Variants in EPB41L4A observed in about 807,000 individuals in gnomAD.
The protein encoded by EPB41L4A is band 4.1-like protein 4A.
Under a neutral mutation model 108.6 loss-of-function variants are expected in EPB41L4A, and 100 were observed. That is an observed-to-expected ratio of 0.92 (90% confidence interval 0.78 to 1.09). The LOEUF is 1.09. Ranked by LOEUF, EPB41L4A falls within the 50% of genes least tolerant of loss-of-function variation. The probability of loss-of-function intolerance (pLI) is 0.00; values close to 1 mark genes in which losing one functional copy is unlikely to be tolerated. For missense variants in EPB41L4A, 1,030 were observed against 842.7 expected, an observed-to-expected ratio of 1.22 and a Z score of -2.75; for synonymous variants, 319 against 289.0, an observed-to-expected ratio of 1.10 and a Z score of -1.05.
At chr5:112,412,602 T>C (rs534349144) in intron 1 of EPB41L4A, among the ~76,000 whole-genome samples, 3 of 152,310 alleles carry the variant, frequency 2.0e-5, no homozygotes, top group South Asian at 2.1e-4. Flanking sequence ...GCCCAGGACA[T>C]GTGATAACAG....
At chr5:112,286,858 C>A (rs1753314953) in intron 2 of EPB41L4A, among the ~76,000 whole-genome samples, 2 of 147,138 alleles carry the variant, frequency 1.4e-5, no homozygotes, top group Admixed American at 6.9e-5. Flanking sequence ...AAATAAATCT[C>A]TGGATGAGAA....
At chr5:112,199,819 G>C (rs12518022) in intron 15 of EPB41L4A, among the ~76,000 whole-genome samples, 1 of 152,028 alleles carries the variant, frequency 6.6e-6, no homozygotes, top group African/African-American at 2.4e-5. Context: ...CCTCTCACTG[G>C]CTACTGAAAC....
At chr5:112,408,197 G>A (rs1762190898) in intron 1 of EPB41L4A, among the ~76,000 whole-genome samples, 1 of 152,094 alleles carries the variant, frequency 6.6e-6, no homozygotes, top group Admixed American at 6.5e-5. Flanking sequence ...TGCGACATGT[G>A]CAAATGAAGA....
intron 1 of EPB41L4A, among the ~76,000 whole-genome samples, chr5:112,388,841 T>C (rs6892341): frequency 0.011 from 1,709 of 152,272 alleles, 34 homozygotes; most frequent in African/African-American, 0.037. Flanking sequence ...ATAACTGGTC[T>C]CTGAGCCAGC....
intron 2 of EPB41L4A, among the ~76,000 whole-genome samples, chr5:112,295,639 G>A (rs1329660276): frequency 6.6e-6 from 1 of 152,160 alleles, no homozygotes; most frequent in Non-Finnish European, 1.5e-5. Flanking sequence ...AAATACTGAT[G>A]TTAACAAAGT....
intron 18 of EPB41L4A, among the ~76,000 whole-genome samples, 190 bp downstream of exon 18, chr5:112,183,826 G>C (rs1439825549): frequency 6.6e-6 from 1 of 152,164 alleles, no homozygotes; most frequent in Non-Finnish European, 1.5e-5. Context: ...ATGACATTTT[G>C]TTTTGACTGT....
At chr5:112,331,853 G>A (rs1756591216) in intron 1 of EPB41L4A, among the ~76,000 whole-genome samples, 1 of 152,190 alleles carries the variant, frequency 6.6e-6, no homozygotes, top group East Asian at 1.9e-4. Flanking sequence ...CCCCCACAAG[G>A]TGCCTGCTTC....
intron 12 of EPB41L4A, among the ~76,000 whole-genome samples, chr5:112,225,804 AAC>A (rs1294183787): frequency 6.6e-6 from 1 of 152,230 alleles, no homozygotes; most frequent in Non-Finnish European, 1.5e-5. Context: ...ATACAAATGT[AAC>A]ACATTCTTTC....
intron 12 of EPB41L4A, among the ~76,000 whole-genome samples, chr5:112,216,787 A>G (rs956586373): frequency 2.6e-5 from 4 of 152,240 alleles, no homozygotes; most frequent in Non-Finnish European, 5.9e-5. Context: ...AATATATTTT[A>G]GCTCTATTTC....
chr5:112,335,756 G>A (rs1315832032), intron 1 of EPB41L4A, among the ~76,000 whole-genome samples: 2 of 152,154 alleles, frequency 1.3e-5, no homozygotes, highest in African/African-American at 4.8e-5. Context: ...ACATCTTCTG[G>A]TTTAAAATTC....
chr5:112,212,425 T>C (rs1042368705), intron 12 of EPB41L4A, among the ~76,000 whole-genome samples: 2 of 151,998 alleles, frequency 1.3e-5, no homozygotes, highest in Non-Finnish European at 2.9e-5. Context: ...CCCAAGTAGC[T>C]GGGATTACAG....
intron 6 of EPB41L4A, chr5:112,263,496 G>A (rs2150449321): frequency 6.6e-6 from 1 of 152,168 alleles, no homozygotes; most frequent in African/African-American, 2.4e-5. Context: ...ACACATGAGA[G>A]CCTTTACCCA....
At chr5:112,238,813 C>A (rs1444629425) in intron 11 of EPB41L4A, among the ~76,000 whole-genome samples, 2 of 152,176 alleles carry the variant, frequency 1.3e-5, no homozygotes, top group East Asian at 3.9e-4. Context: ...CTATGCCTTG[C>A]ACATCACAGG....
At chr5:112,207,741 G>C (rs1015053582) in intron 13 of EPB41L4A, among the ~76,000 whole-genome samples, 4 of 152,140 alleles carry the variant, frequency 2.6e-5, no homozygotes, top group Admixed American at 6.5e-5. Context: ...TCCCCAGTCA[G>C]AATACCTATT....
intron 1 of EPB41L4A, among the ~76,000 whole-genome samples, chr5:112,369,065 T>C (rs982678482): frequency 6.6e-6 from 1 of 152,232 alleles, no homozygotes; most frequent in Admixed American, 6.5e-5. Flanking sequence ...TATATTTAGA[T>C]GGCTGTTTGG....
intron 1 of EPB41L4A, among the ~76,000 whole-genome samples, chr5:112,309,414 G>A (rs190381257): frequency 6.6e-6 from 1 of 152,178 alleles, no homozygotes; most frequent in Non-Finnish European, 1.5e-5. Context: ...TTCTGCTGGG[G>A]ATTTAACTGG....
At chr5:112,307,233 A>G (rs1365587555) in intron 2 of EPB41L4A, among the ~76,000 whole-genome samples, 153 bp downstream of exon 2, 1 of 152,204 alleles carries the variant, frequency 6.6e-6, no homozygotes, top group Non-Finnish European at 1.5e-5. Flanking sequence ...AGAGGAAAAA[A>G]TGCAAAGAAA....
intron 1 of EPB41L4A, among the ~76,000 whole-genome samples, chr5:112,335,362 G>T (rs924780975): frequency 6.6e-6 from 1 of 152,164 alleles, no homozygotes; most frequent in African/African-American, 2.4e-5. Flanking sequence ...GAAAAAAAGT[G>T]AACCTAATGT....
At position 112,390,592 on chromosome 5, in the gene EPB41L4A, C is replaced by T. The variant is rs151048054; in HGVS notation, c.99+28349G>A. On this transcript the variant is annotated intron_variant, in intron 1 of 22. Transcript: ENST00000261486. ...CTGCAGCTCAACGAGGCCAGCGTGA[C>T]TCTGTAGACTCCACCTCTGGGGGCA... is the stretch of plus-strand genomic sequence containing the variant. Among the ~76,000 whole-genome samples, 1,214 of 152,326 alleles carry T rather than the reference C, an allele frequency of 8.0e-3. 5 individuals carry two copies. Among genetic ancestry groups the T allele is most frequent in the Non-Finnish European group, 0.013 (876 of 68,032 alleles).
Sources: allele counts gnomAD v4.1 joint callset (sites outside exome capture counted in the v4.1 genomes callset), GRCh38; gene constraint gnomAD v4.1.1; transcripts MANE v1.5; gene names NCBI Gene and HGNC (gene_info 2026-07-23, HGNC 2026-07-21).